Variants in LRRC27 observed in about 807,000 individuals in gnomAD.
LRRC27 encodes the protein leucine-rich repeat-containing protein 27.
LRRC27 carries 57 observed loss-of-function variants against 55.0 expected under a neutral mutation model. That is an observed-to-expected ratio of 1.04 (90% CI 0.84 to 1.29). The LOEUF (loss-of-function observed/expected upper bound fraction) is 1.29. Ranked by LOEUF, LRRC27 falls within the 50% of genes most tolerant of loss-of-function variation. The pLI is 0.00. For missense variants in LRRC27, 721 were observed against 651.5 expected, an observed-to-expected ratio of 1.11 and a Z score of -1.16; for synonymous variants, 278 against 251.9, an observed-to-expected ratio of 1.10 and a Z score of -0.98.
In LRRC27 at chr10:132,333,617, C is replaced by CT; in HGVS notation, c.94dup (p.Ser32PhefsTer23). On this transcript the variant is annotated frameshift_variant, in exon 2 of 11. Coordinates refer to ENST00000368614, the MANE Select transcript of LRRC27 (RefSeq NM_030626.3). LOFTEE classifies it high-confidence loss of function. ...AGACTAGGAGCTTGCCTGCCACCCC[C>CT]TCCAAAGATGTTCACAAGGGTGTTG... The CT allele has an allele frequency of 1.2e-6, 2 of 1,613,062 alleles. No individual in the cohort carries two copies. The highest frequency in any genetic ancestry group is 1.7e-6 in the Non-Finnish European group (2 of 1,180,020).
At chr10:132,337,142 G>T in intron 2 of LRRC27, 1 of 1,198,898 alleles carries the variant, frequency 8.3e-7, no homozygotes, top group Non-Finnish European at 1.0e-6. Flanking sequence ...GAGTCCCCCA[G>T]ACCAGACATG....
chr10:132,332,842 G>T (rs1315803933), intron 1 of LRRC27, among the ~76,000 whole-genome samples: 2 of 152,120 alleles, frequency 1.3e-5, no homozygotes, highest in Admixed American at 1.3e-4. Flanking sequence ...TTCCAACGTT[G>T]ATTCTTATTG....
Position 132,344,540 on chromosome 10 carries a change from C to A in LRRC27, c.443C>A (p.Pro148His). 1 of 1,614,162 alleles carries A rather than the reference C, an allele frequency of 6.2e-7. No homozygotes were observed. Among genetic ancestry groups the A allele is most frequent in the Non-Finnish European group, 8.5e-7 (1 of 1,180,012 alleles). ...AAAGCACTGAACCTAAGACACTGCC[C>A]TCTGGAATTCCCTCCTCAGCTCGTT... ...TLKALNLRHCPLEFPPQLVVQ... is the reference protein window; with the variant it reads ...TLKALNLRHCHLEFPPQLVVQ... Residue 148 changes from proline (P) to histidine (H), a missense_variant, in exon 5 of 11, where the codon CCT becomes CAT. Transcript: ENST00000368614.
At chr10:132,337,264 A>G in intron 2 of LRRC27, 15 of 1,201,986 alleles carry the variant, frequency 1.2e-5, no homozygotes, top group Non-Finnish European at 1.6e-5. Flanking sequence ...CCCGGAATTC[A>G]GACCATGTCA....
At position 132,364,344 on chromosome 10, in the gene LRRC27, T is replaced by G. The variant is rs2068808840; in HGVS notation, c.1290-1080T>G. Among the ~76,000 whole-genome samples, 2 of 41,208 alleles carry G rather than the reference T, an allele frequency of 4.9e-5. 1 individual carries two copies. Among genetic ancestry groups the G allele is most frequent in the African/African-American group, 2.4e-4 (2 of 8,194 alleles). The allele number at this position is 41,208 out of a possible 152,430, so 27.0% of individuals were successfully genotyped here. ...ACCACACCCATGACCACACCCACACTTAATCTACCTCCACACCCGCGCTTA... is the reference window on the plus strand; with the variant it reads ...ACCACACCCATGACCACACCCACACGTAATCTACCTCCACACCCGCGCTTA... On this transcript the variant is annotated intron_variant, in intron 9 of 10. Coordinates refer to ENST00000368614, the MANE Select transcript of LRRC27 (RefSeq NM_030626.3).
chr10:132,360,540 G>T (rs1323665086), intron 8 of LRRC27, among the ~76,000 whole-genome samples: 1 of 152,096 alleles, frequency 6.6e-6, no homozygotes. Flanking sequence ...GGGGTGGGAG[G>T]GATAGGAAAA....
chr10:132,331,314 G>T, upstream of LRRC27: 1 of 967,146 alleles, frequency 1.0e-6, no homozygotes, highest in Non-Finnish European at 1.5e-6. Context: ...TTATCAGTTG[G>T]ATCCTGGAAT....
chr10:132,364,226 C>G (rs554375053), intron 9 of LRRC27, among the ~76,000 whole-genome samples: 11 of 152,066 alleles, frequency 7.2e-5, no homozygotes, highest in African/African-American at 2.2e-4. Flanking sequence ...AACCCTGCTG[C>G]TGGGAGTAAG....
rs1313822883 is a variant in LRRC27, at chr10:132,344,971, C to T, written c.553+321C>T. On this transcript the variant is annotated intron_variant, in intron 5 of 10. Transcript: ENST00000368614. ...CTGCTTCAGGAATGACTTGATGCTG[C>T]ATTAGGCAGCTATTTTAAAATAAGT... 44 of 222,054 alleles carry T rather than the reference C, an allele frequency of 2.0e-4. No individual in the cohort carries two copies. The Admixed American group carries it at 2.2e-3, about 11-fold the overall frequency. The allele number at this position is 222,054 out of a possible 1,614,324, so 13.8% of individuals were successfully genotyped here. A position where few individuals can be genotyped will look rare whatever the true frequency, so the allele number is the denominator to read the frequency against.
Position 132,344,608 on chromosome 10 carries a change from T to A in LRRC27, c.511T>A (p.Trp171Arg). The A allele has an allele frequency of 6.2e-7, 1 of 1,614,202 alleles. No homozygotes were observed. The highest frequency in any genetic ancestry group is 8.5e-7 in the Non-Finnish European group (1 of 1,180,028). The change falls in exon 5 of 11, where the codon TGG (tryptophan) becomes AGG (arginine). Residue 171 changes from tryptophan (W) to arginine (R), a missense_variant. Trp to Arg is a moderately radical substitution (Grantham distance 101). Coordinates refer to ENST00000368614, the MANE Select transcript of LRRC27 (RefSeq NM_030626.3). Reference sequence around the variant, plus strand: ...GGCTATCCAGCGCTTCCTGCGGATGTGGGCAGTAGAACACTCTCTCCCCAG... The same window carrying A: ...GGCTATCCAGCGCTTCCTGCGGATGAGGGCAGTAGAACACTCTCTCCCCAG... Reference protein sequence around the residue: ...LVAIQRFLRMWAVEHSLPRNP... With the variant: ...LVAIQRFLRMRAVEHSLPRNP...
At position 132,355,067 on chromosome 10, in the gene LRRC27, T is replaced by C. The variant is rs186144677; in HGVS notation, c.1074-723T>C. The stretch of plus-strand genomic sequence containing the variant: ...CAGACTGCGGAGGCCCGAAGACGCC[T>C]GTTCTTGTCTTGTTTTGTTTTGTTT... On this transcript the variant is annotated intron_variant, in intron 7 of 10. Coordinates refer to ENST00000368614, the MANE Select transcript of LRRC27 (RefSeq NM_030626.3). Among the ~76,000 whole-genome samples, 751 of 152,312 alleles carry C rather than the reference T, an allele frequency of 4.9e-3. 2 individuals are homozygous for C. The highest frequency in any genetic ancestry group is 0.017 in the African/African-American group (726 of 41,570).
In LRRC27 at chr10:132,380,941, T is replaced by G. The variant is rs1018791315; in HGVS notation, c.*5699T>G. On this transcript the variant is annotated 3_prime_UTR_variant, in exon 11 of 11. Coordinates refer to ENST00000368614, the MANE Select transcript of LRRC27 (RefSeq NM_030626.3). ...AAATTTGTGAGCAGGCACAAAAGCC[T>G]TAACACTTTCTGTGAAATACCTTTT... 6.6e-6 allele frequency among the ~76,000 whole-genome samples: 1 copy of G among 152,276 alleles called. No individual in the cohort carries two copies. The highest frequency in any genetic ancestry group is 2.4e-5 in the African/African-American group (1 of 41,472).
intron 4 of LRRC27, among the ~76,000 whole-genome samples, chr10:132,343,643 A>G (rs772574387): frequency 1.8e-4 from 28 of 152,252 alleles, no homozygotes; most frequent in Non-Finnish European, 3.5e-4. Flanking sequence ...GGCAGAGCCC[A>G]TTAATGGACA....
chr10:132,368,727 G>A (rs1479948581), intron 10 of LRRC27, among the ~76,000 whole-genome samples: 3 of 152,172 alleles, frequency 2.0e-5, no homozygotes, highest in Non-Finnish European at 4.4e-5. Context: ...GAAAACCTAA[G>A]TGACCTTGGG....
In LRRC27 at chr10:132,365,423, G is replaced by A; in HGVS notation, c.1290-1G>A. On this transcript the variant is annotated splice_acceptor_variant, in intron 9 of 10. Coordinates refer to ENST00000368614, the MANE Select transcript of LRRC27 (RefSeq NM_030626.3). LOFTEE classifies it high-confidence loss of function. The stretch of plus-strand genomic sequence containing the variant: ...TTCCCTCTTTGCCCTTTGTTTCTCA[G>A]TGCCCTGCAGGAGAGAAATTTAGAA... 6.2e-7 allele frequency: 1 copy of A among 1,613,510 alleles called. No homozygotes were observed.
chr10:132,354,862 G>A (rs2068234674), intron 7 of LRRC27, among the ~76,000 whole-genome samples: 1 of 152,222 alleles, frequency 6.6e-6, no homozygotes. Context: ...CAGGAGTCCT[G>A]CAGGCTGGAG....
intron 9 of LRRC27, among the ~76,000 whole-genome samples, chr10:132,364,330 GAC>G (rs2068805981): frequency 4.1e-4 from 3 of 7,300 alleles, no homozygotes; most frequent in Non-Finnish European, 1.4e-3. Flanking sequence ...CCACACCCAT[GAC>G]CACACCCACA....
In LRRC27 at chr10:132,348,278, T is replaced by A. The variant is rs778310963; in HGVS notation, c.848T>A (p.Leu283Ter). 10 of 1,614,054 alleles carry A rather than the reference T, an allele frequency of 6.2e-6. No individual in the cohort carries two copies. The highest frequency in any genetic ancestry group is 5.9e-6 in the Non-Finnish European group (7 of 1,180,034). Reference sequence around the variant, plus strand: ...GCAGACGTTCTGGGAGATCAGCTCTTGACGAGGGAATTACCTCCAAATCTC... The same window carrying A: ...GCAGACGTTCTGGGAGATCAGCTCTAGACGAGGGAATTACCTCCAAATCTC... ...VKADVLGDQL[L>*]TRELPPNLKA... The change falls in exon 6 of 11, where the codon TTG becomes TAG. Residue 283 changes from leucine (L) to a stop codon, truncating the protein, a stop_gained. Transcript: ENST00000368614. LOFTEE classifies it high-confidence loss of function. The surrounding 1 kb of genome is among the most constrained non-coding windows in gnomAD (Gnocchi z 4.2).
At chr10:132,342,894 C>G (rs940040011) in intron 4 of LRRC27, among the ~76,000 whole-genome samples, 5 of 152,098 alleles carry the variant, frequency 3.3e-5, no homozygotes, top group African/African-American at 1.2e-4. Context: ...TCACTTGCTA[C>G]CATGTAGACA....
Sources: gnomAD v4.1 joint callset for allele counts (sites outside exome capture counted in the v4.1 genomes callset) on GRCh38, gnomAD v4.1.1 for gene constraint, Gnocchi (gnomAD v3.1) non-coding constraint, MANE v1.5 for transcripts, NCBI Gene and HGNC (gene_info 2026-07-23, HGNC 2026-07-21) for gene names.